BACH2: variants seen among roughly 807,000 people sequenced by gnomAD.
The protein encoded by BACH2 is transcription regulator protein BACH2.
Under a neutral mutation model 61.8 loss-of-function variants are expected in BACH2, and 5 were observed. That is an observed-to-expected ratio of 0.08 (90% confidence interval 0.04 to 0.17). BACH2 has a LOEUF of 0.17. Among genes scored for constraint, BACH2 ranks in the 10% least tolerant of loss-of-function variants. The probability of loss-of-function intolerance (pLI) is 1.00; values close to 1 mark genes in which losing one functional copy is unlikely to be tolerated. For missense variants in BACH2, 824 were observed against 1,091.1 expected (o/e 0.76, Z 3.45); for synonymous variants, 446 against 440.1 (o/e 1.01, Z -0.17).
chr6:90,055,883 T>C (rs1304729399), intron 5 of BACH2, among the ~76,000 whole-genome samples: 1 of 151,966 alleles, frequency 6.6e-6, no homozygotes, highest in Non-Finnish European at 1.5e-5. Flanking sequence ...GCTTCATAAG[T>C]GAAGGAGAAA....
chr6:90,245,416 C>T (rs1770599740), intron 3 of BACH2, among the ~76,000 whole-genome samples: 1 of 152,090 alleles, frequency 6.6e-6, no homozygotes, highest in Non-Finnish European at 1.5e-5. Context: ...CATAGAGAGA[C>T]TCTGTTTCTA....
chr6:89,969,299 C>T (rs1465924383), intron 6 of BACH2, among the ~76,000 whole-genome samples: 2 of 152,036 alleles, frequency 1.3e-5, no homozygotes, highest in African/African-American at 2.4e-5. Context: ...AGGTGATCCG[C>T]CCATCTCGGC....
intron 5 of BACH2, among the ~76,000 whole-genome samples, chr6:90,084,662 G>A (rs1321727157): frequency 2.6e-5 from 4 of 151,408 alleles, no homozygotes; most frequent in Non-Finnish European, 5.9e-5. Context: ...AAGCAGGTTT[G>A]GAAAGTCTGG....
At chr6:90,260,283 T>C (rs543412488) in intron 2 of BACH2, among the ~76,000 whole-genome samples, 34 of 152,330 alleles carry the variant, frequency 2.2e-4, no homozygotes, top group Non-Finnish European at 3.7e-4. Flanking sequence ...TTTTTAAATT[T>C]ATCTTTTAAT....
chr6:89,984,917 T>C (rs1484663122), intron 6 of BACH2, among the ~76,000 whole-genome samples: 2 of 152,204 alleles, frequency 1.3e-5, no homozygotes, highest in Non-Finnish European at 2.9e-5. Flanking sequence ...AAATTCTCCA[T>C]ATACCACCTG....
chr6:90,227,896 T>C (rs1582509093), intron 3 of BACH2, among the ~76,000 whole-genome samples: 1 of 152,202 alleles, frequency 6.6e-6, no homozygotes, highest in Non-Finnish European at 1.5e-5. Context: ...CCTCATTAAC[T>C]GCTACACCCA....
At chr6:89,952,150 T>A in intron 6 of BACH2, 1 of 403,772 alleles carries the variant, frequency 2.5e-6, no homozygotes, top group African/African-American at 2.0e-5. Context: ...ACTAATGAAA[T>A]ATCCTGGCAA....
intron 4 of BACH2, among the ~76,000 whole-genome samples, chr6:90,110,139 G>A (rs576258560): frequency 1.1e-4 from 17 of 152,288 alleles, no homozygotes; most frequent in Admixed American, 2.0e-4. Context: ...GCTCTATGGT[G>A]TTTTGATGGA....
At chr6:90,269,721 G>C (rs1009561263) in intron 2 of BACH2, among the ~76,000 whole-genome samples, 1 of 152,168 alleles carries the variant, frequency 6.6e-6, no homozygotes, top group Non-Finnish European at 1.5e-5. Flanking sequence ...CCCCAAGTGT[G>C]GCAGTGCTAT....
At chr6:90,132,728 C>T (rs761525383) in intron 4 of BACH2, among the ~76,000 whole-genome samples, 58 of 152,168 alleles carry the variant, frequency 3.8e-4, no homozygotes, top group Non-Finnish European at 8.1e-4. Context: ...TAATGGTTTT[C>T]CTGGGCTTAC....
intron 5 of BACH2, among the ~76,000 whole-genome samples, chr6:90,031,308 C>T (rs1778969498): frequency 6.6e-6 from 1 of 152,102 alleles, no homozygotes; most frequent in African/African-American, 2.4e-5. Flanking sequence ...CAGGGATGCC[C>T]TCTCTCACCA....
At chr6:90,183,800 G>A (rs909617367) in intron 4 of BACH2, among the ~76,000 whole-genome samples, 10 of 152,190 alleles carry the variant, frequency 6.6e-5, no homozygotes, top group African/African-American at 2.4e-4. Flanking sequence ...GTTAATGAGT[G>A]ATGGCTGGAT....
chr6:90,133,456 T>C (rs1385945217), intron 4 of BACH2, among the ~76,000 whole-genome samples: 1 of 152,214 alleles, frequency 6.6e-6, no homozygotes, highest in Admixed American at 6.5e-5. Context: ...GAGATATAAT[T>C]CAGTATGTAA....
At chr6:90,204,294 A>C (rs1769062711) in intron 4 of BACH2, among the ~76,000 whole-genome samples, 2 of 152,126 alleles carry the variant, frequency 1.3e-5, no homozygotes, top group Non-Finnish European at 2.9e-5. Flanking sequence ...AACGTCAGTC[A>C]CACCCACAAC....
At position 90,269,849 on chromosome 6, in the gene BACH2, T is replaced by A. The variant is rs56194072; in HGVS notation, c.-353+2000A>T. Among the ~76,000 whole-genome samples the A allele has an allele frequency of 6.5e-3, 988 of 152,304 alleles. 10 individuals are homozygous for A. The highest frequency in any genetic ancestry group is 0.023 in the African/African-American group (943 of 41,550). ...TGGGCAGCTGTGTGAACTTTTAAAA[T>A]TTTAATTTAATTTTTATTTTATTTC... On this transcript the variant is annotated intron_variant, in intron 2 of 8. Coordinates refer to ENST00000257749, the MANE Select transcript of BACH2 (RefSeq NM_021813.4).
chr6:90,115,424 A>G (rs1783355479), intron 4 of BACH2, among the ~76,000 whole-genome samples: 1 of 152,034 alleles, frequency 6.6e-6, no homozygotes, highest in Non-Finnish European at 1.5e-5. Flanking sequence ...AACGGGAAAA[A>G]GACTCTATTC....
At chr6:90,243,635 C>T (rs573194040) in intron 3 of BACH2, among the ~76,000 whole-genome samples, 2 of 152,286 alleles carry the variant, frequency 1.3e-5, no homozygotes, top group Admixed American at 1.3e-4. Context: ...AGAGTAATTA[C>T]TGAATCTCTT....
chr6:90,175,840 C>T, intron 4 of BACH2, among the ~76,000 whole-genome samples: 1 of 152,090 alleles, frequency 6.6e-6, no homozygotes, highest in East Asian at 1.9e-4. Flanking sequence ...TAGAGACACC[C>T]CTCCTCTATC....
chr6:90,022,727 C>T (rs758295478), intron 5 of BACH2, among the ~76,000 whole-genome samples: 1 of 152,160 alleles, frequency 6.6e-6, no homozygotes, highest in Non-Finnish European at 1.5e-5. Flanking sequence ...AGATATATAG[C>T]CACTAACCTA....
Sources: gnomAD v4.1 joint callset for allele counts (sites outside exome capture counted in the v4.1 genomes callset) on GRCh38, gnomAD v4.1.1 for gene constraint, MANE v1.5 for transcripts, NCBI Gene and HGNC (gene_info 2026-07-23, HGNC 2026-07-21) for gene names.